SLC2A13: variants seen among roughly 807,000 people sequenced by gnomAD.
SLC2A13 encodes proton myo-inositol cotransporter.
Under a neutral mutation model 64.4 loss-of-function variants are expected in SLC2A13, and 32 were observed. That is an observed-to-expected ratio of 0.50 (90% CI 0.37 to 0.67). SLC2A13 has a LOEUF of 0.67. Ranked by LOEUF, SLC2A13 falls within the 30% of genes least tolerant of loss-of-function variation. The probability of loss-of-function intolerance (pLI) is 0.00; values close to 1 mark genes in which losing one functional copy is unlikely to be tolerated. For synonymous variants in SLC2A13, 338 were observed against 327.1 expected (o/e 1.03, Z -0.36); for missense variants, 743 against 829.2 (o/e 0.90, Z 1.28).
intron 7 of SLC2A13, among the ~76,000 whole-genome samples, chr12:39,804,655 C>T (rs1250488858): frequency 6.6e-6 from 1 of 152,142 alleles, no homozygotes; most frequent in African/African-American, 2.4e-5. Context: ...GGCTCCCACA[C>T]ACTGTTCTAG....
chr12:39,770,918 T>C (rs6581325), intron 7 of SLC2A13, among the ~76,000 whole-genome samples: 148,046 of 152,252 alleles, frequency 0.97, 71,978 homozygotes, highest in East Asian at 1. Flanking sequence ...CCAGGTAAAG[T>C]TAGGATATAT....
In SLC2A13 at chr12:39,755,849, A is replaced by T. The variant is rs1447270326; in HGVS notation, c.*4177T>A. On this transcript the variant is annotated 3_prime_UTR_variant, in exon 10 of 10. Coordinates refer to ENST00000280871, the MANE Select transcript of SLC2A13 (RefSeq NM_052885.4). Reference sequence around the variant, plus strand: ...TATTGTTTTAGCTCACTAGCAAATTATACGGATAAAATACTTTCATGAACT... The same window carrying T: ...TATTGTTTTAGCTCACTAGCAAATTTTACGGATAAAATACTTTCATGAACT... The T allele has an allele frequency of 6.6e-6, 1 of 152,088 alleles. No homozygotes were observed. Among genetic ancestry groups the T allele is most frequent in the African/African-American group, 2.4e-5 (1 of 41,436 alleles). 9.4% of individuals were successfully genotyped at this position (152,088 alleles called of 1,614,324 possible). A position where few individuals can be genotyped will look rare whatever the true frequency, so the allele number is the denominator to read the frequency against.
rs571000985 is a variant in SLC2A13, at chr12:40,062,526, A to C, written c.557-14316T>G. 3.3e-5 allele frequency among the ~76,000 whole-genome samples: 5 copies of C among 152,250 alleles called. No homozygotes were observed. The East Asian group carries it at 5.8e-4, about 18-fold the overall frequency. On this transcript the variant is annotated intron_variant, in intron 1 of 9. Transcript: ENST00000280871. Reference sequence around the variant, plus strand: ...AGGACTATCAGGAAAAAATAGAAGAAGACGTTTGTAACTTAAAACATCAAC... The same window carrying C: ...AGGACTATCAGGAAAAAATAGAAGACGACGTTTGTAACTTAAAACATCAAC...
At chr12:40,090,527 C>T (rs1327828784) in intron 1 of SLC2A13, among the ~76,000 whole-genome samples, 1 of 152,140 alleles carries the variant, frequency 6.6e-6, no homozygotes, top group African/African-American at 2.4e-5. Flanking sequence ...ATAGCAGCAG[C>T]TATCCATAGG....
intron 3 of SLC2A13, among the ~76,000 whole-genome samples, chr12:39,971,132 T>A (rs905608395): frequency 6.6e-6 from 1 of 152,168 alleles, no homozygotes; most frequent in Non-Finnish European, 1.5e-5. Context: ...TAATTTATAT[T>A]TATTTACATT....
Position 39,812,377 on chromosome 12 carries a change from CT to C in SLC2A13, c.1445+17725del, listed in dbSNP as rs1335754892. On this transcript the variant is annotated intron_variant, in intron 7 of 9. Transcript: ENST00000280871. ...CTTTTCTTTTCTTTTCTTTTCTTTT[CT>C]TTTCTTTCTTTCTCTCTCTCTTTCT... 7.0e-3 allele frequency among the ~76,000 whole-genome samples: 824 copies of C among 117,968 alleles called. 2 individuals are homozygous for C. The highest frequency in any genetic ancestry group is 0.026 in the Middle Eastern group (6 of 230). The allele number at this position is 117,968 out of a possible 152,430, so 77.4% of individuals were successfully genotyped here.
At chr12:40,014,960 A>G (rs1302226864) in intron 3 of SLC2A13, among the ~76,000 whole-genome samples, 1 of 152,266 alleles carries the variant, frequency 6.6e-6, no homozygotes, top group Non-Finnish European at 1.5e-5. Context: ...ATTAAGTAAT[A>G]TGTAAAAACT....
intron 3 of SLC2A13, among the ~76,000 whole-genome samples, chr12:39,999,599 CCT>C (rs1374612596): frequency 6.6e-6 from 1 of 152,102 alleles, no homozygotes; most frequent in Non-Finnish European, 1.5e-5. Context: ...GCTCTCAAAC[CCT>C]GTTTTCTGTT....
chr12:39,852,001 T>C (rs1366790364), intron 6 of SLC2A13, among the ~76,000 whole-genome samples: 1 of 152,182 alleles, frequency 6.6e-6, no homozygotes, highest in African/African-American at 2.4e-5. Flanking sequence ...AACAATGCAA[T>C]GTTGGAAAAT....
chr12:39,991,419 C>T (rs949977822), intron 3 of SLC2A13, among the ~76,000 whole-genome samples: 1 of 152,142 alleles, frequency 6.6e-6, no homozygotes, highest in African/African-American at 2.4e-5. Context: ...TCCAGTGTTC[C>T]TACTTAAGTA....
intron 7 of SLC2A13, among the ~76,000 whole-genome samples, chr12:39,827,146 G>A (rs1942715830): frequency 6.6e-6 from 1 of 151,594 alleles, no homozygotes; most frequent in Non-Finnish European, 1.5e-5. Context: ...TTCCTAACAT[G>A]CCTCTATGGA....
At chr12:40,063,054 T>C (rs990222507) in intron 1 of SLC2A13, among the ~76,000 whole-genome samples, 9 of 152,168 alleles carry the variant, frequency 5.9e-5, no homozygotes, top group Admixed American at 2.0e-4. Flanking sequence ...AGTTATTTTA[T>C]ATAGATACCC....
intron 9 of SLC2A13, among the ~76,000 whole-genome samples, chr12:39,763,664 T>C (rs1434508872): frequency 6.6e-6 from 1 of 152,106 alleles, no homozygotes; most frequent in Non-Finnish European, 1.5e-5. Context: ...GAGAATGGTC[T>C]AAGCAGCAGG....
intron 7 of SLC2A13, among the ~76,000 whole-genome samples, chr12:39,812,925 G>A (rs942294364): frequency 7.0e-5 from 10 of 142,820 alleles, no homozygotes; most frequent in African/African-American, 1.6e-4. Context: ...TGCCTCCTGG[G>A]TTCAAGTGAT....
chr12:40,000,870 T>A (rs1332598000), intron 3 of SLC2A13, among the ~76,000 whole-genome samples: 1 of 152,090 alleles, frequency 6.6e-6, no homozygotes, highest in African/African-American at 2.4e-5. Context: ...GGGACACAAT[T>A]TATTACATGA....
At chr12:39,843,329 T>G (rs1943224060) in intron 6 of SLC2A13, among the ~76,000 whole-genome samples, 1 of 152,028 alleles carries the variant, frequency 6.6e-6, no homozygotes, top group African/African-American at 2.4e-5. Context: ...TTAATGGGCA[T>G]CACCAAAGGA....
chr12:39,839,893 C>A (rs961855979), intron 6 of SLC2A13, among the ~76,000 whole-genome samples: 4 of 152,106 alleles, frequency 2.6e-5, no homozygotes, highest in Admixed American at 6.6e-5. Flanking sequence ...GGCTTTCTTG[C>A]CAAACCTATT....
intron 3 of SLC2A13, among the ~76,000 whole-genome samples, chr12:39,993,496 G>T (rs28370749): frequency 6.6e-6 from 1 of 152,200 alleles, no homozygotes; most frequent in Admixed American, 6.5e-5. Flanking sequence ...GCTAGGAAAC[G>T]TGAAAGACAG....
At chr12:39,893,707 C>G (rs1944671814) in intron 4 of SLC2A13, among the ~76,000 whole-genome samples, 4 of 152,160 alleles carry the variant, frequency 2.6e-5, no homozygotes. Context: ...AGATTATGTG[C>G]TTTTTCTGGA....
Sources: gnomAD v4.1 joint callset for allele counts (sites outside exome capture counted in the v4.1 genomes callset) on GRCh38, gnomAD v4.1.1 for gene constraint, MANE v1.5 for transcripts, NCBI Gene and HGNC (gene_info 2026-07-23, HGNC 2026-07-21) for gene names.